Variants in SBF1 observed in about 807,000 individuals in gnomAD.
SBF1 encodes the protein myotubularin-related protein 5.
SBF1 carries 65 observed loss-of-function variants against 215.8 expected under a neutral mutation model. That is an observed-to-expected ratio of 0.30 (90% CI 0.25 to 0.37). The LOEUF is 0.37. SBF1 is among the 10% of genes least tolerant of loss of function. The pLI is 1.00. For missense variants in SBF1, 2,634 were observed against 2,667.8 expected, an observed-to-expected ratio of 0.99 and a Z score of 0.28; for synonymous variants, 1,410 against 1,122.8, an observed-to-expected ratio of 1.26 and a Z score of -5.11.
At chr22:50,465,699 C>T in intron 10 of SBF1, 64 bp downstream of exon 10, 1 of 1,450,976 alleles carries the variant, frequency 6.9e-7, no homozygotes, top group Non-Finnish European at 9.3e-7. Flanking sequence ...TCAGTGGCAG[C>T]AGACCTGAGT....
intron 36 of SBF1, among the ~76,000 whole-genome samples, chr22:50,452,219 G>T (rs1447560706): frequency 2.0e-5 from 3 of 150,904 alleles, no homozygotes; most frequent in Non-Finnish European, 4.4e-5. Context: ...CAAAATAAAG[G>T]CACCAAGATG....
chr22:50,451,409 G>A (rs2067042583), intron 36 of SBF1, among the ~76,000 whole-genome samples: 1 of 152,038 alleles, frequency 6.6e-6, no homozygotes, highest in South Asian at 2.1e-4. Flanking sequence ...GAAAAGAGTA[G>A]TGAACTTGAA....
chr22:50,447,271 C>G (rs1219157815), intron 40 of SBF1, 31 bp from the exon 41 acceptor site: 2 of 1,612,952 alleles, frequency 1.2e-6, no homozygotes, highest in African/African-American at 1.3e-5. Context: ...GACTCCGCAG[C>G]CCCCACACCG....
rs1491577679 is a variant in SBF1, at chr22:50,446,356, T to TCGTCCCCCC, written c.*785_*786insGGGGGGACG. 9 of 35,048 alleles carry TCGTCCCCCC rather than the reference T, an allele frequency of 2.6e-4. No individual in the cohort carries two copies. Among genetic ancestry groups the TCGTCCCCCC allele is most frequent in the African/African-American group, 1.0e-3 (8 of 7,646 alleles). The allele number at this position is 35,048 out of a possible 1,614,324, so 2.2% of individuals were successfully genotyped here. On this transcript the variant is annotated 3_prime_UTR_variant, in exon 41 of 41. Transcript: ENST00000380817. ...CCTGCATTCCCCTGGGAGCCCACTG[T>TCGTCCCCCC]CCCCCCCCCCCCCCCGCCTCCGGCC...
intron 17 of SBF1, 37 bp from the exon 18 acceptor site, chr22:50,462,754 C>T: frequency 6.2e-7 from 1 of 1,608,940 alleles, no homozygotes; most frequent in South Asian, 1.1e-5. Context: ...CTGGATGCAG[C>T]CAGGAAGGGC....
At position 50,474,739 on chromosome 22, in the gene SBF1, ACTCGACCCTCGGCCCCCGGCCCTCAGCG is replaced by A; in HGVS notation, c.55+19_55+46del. 1 of 1,405,762 alleles carries A rather than the reference ACTCGACCCTCGGCCCCCGGCCCTCAGCG, an allele frequency of 7.1e-7. No individual in the cohort carries two copies. The highest frequency in any genetic ancestry group is 1.3e-5 in the South Asian group (1 of 76,802). 87.1% of individuals were successfully genotyped at this position (1,405,762 alleles called of 1,614,324 possible). A position where few individuals can be genotyped will look rare whatever the true frequency, so the allele number is the denominator to read the frequency against. On this transcript the variant is annotated intron_variant, in intron 1 of 40. Coordinates refer to ENST00000380817, the MANE Select transcript of SBF1 (RefSeq NM_002972.4). ...TCAGACCCAGCCCCTGGCCCTCAGC[ACTCGACCCTCGGCCCCCGGCCCTCAGCG>A]CTTGGCCTCGGCACTCACCGCGCGG...
In SBF1 at chr22:50,467,282, G is replaced by A. The variant is rs2067808359; in HGVS notation, c.549+56C>T. ...CTGGCTGGGCTCCAAATACCTACCA[G>A]GGCCCCAGCAGGAGGGCCTGTGGCT... On this transcript the variant is annotated intron_variant, in intron 5 of 40. Coordinates refer to ENST00000380817, the MANE Select transcript of SBF1 (RefSeq NM_002972.4). The A allele has an allele frequency of 5.5e-5, 80 of 1,452,508 alleles. 1 individual carries two copies. The highest frequency in any genetic ancestry group is 7.5e-5 in the Non-Finnish European group (78 of 1,041,946). The allele number at this position is 1,452,508 out of a possible 1,614,324, so 90.0% of individuals were successfully genotyped here. A position where few individuals can be genotyped will look rare whatever the true frequency, so the allele number is the denominator to read the frequency against.
At chr22:50,459,066 A>C (rs1171823423) in intron 28 of SBF1, among the ~76,000 whole-genome samples, 189 bp downstream of exon 28, 1 of 152,144 alleles carries the variant, frequency 6.6e-6, no homozygotes, top group African/African-American at 2.4e-5. Context: ...TGGTCTGGGC[A>C]CACACTTGGT....
intron 1 of SBF1, among the ~76,000 whole-genome samples, chr22:50,473,583 G>A (rs989843148): frequency 3.3e-5 from 5 of 152,322 alleles, no homozygotes; most frequent in South Asian, 2.1e-4. Context: ...CTGAGGAGGG[G>A]CTGGAGACGA....
chr22:50,448,790 G>A (rs1185218291), intron 36 of SBF1, 140 bp from the exon 37 acceptor site: 6 of 642,094 alleles, frequency 9.3e-6, no homozygotes, highest in South Asian at 5.7e-5. Flanking sequence ...GAGGTGGCAA[G>A]AGGGAGGGAA....
At chr22:50,468,590 T>A in intron 1 of SBF1, 129 bp from the exon 2 acceptor site, 1 of 613,784 alleles carries the variant, frequency 1.6e-6, no homozygotes, top group Non-Finnish European at 2.8e-6. Flanking sequence ...CACAGCTCCC[T>A]AAAAATAGCT....
rs1253494486 is a variant in SBF1 at position 50,454,623 on chromosome 22, T to G, written c.4932A>C (p.Pro1644=). ...CGCCTCCATCAGACCGTTCTTCCTC[T>G]GGGGGTTCAGGGGGCCCCTGGGCCA... The part of the protein sequence containing the change: ...WELAQGPPEP[P]EEERSDGGAP... Residue 1644 remains proline, a synonymous_variant, in exon 36 of 41, where the codon CCA becomes CCC. Coordinates refer to ENST00000380817, the MANE Select transcript of SBF1 (RefSeq NM_002972.4). The G allele has an allele frequency of 1.2e-6, 2 of 1,604,742 alleles. No individual in the cohort carries two copies. The highest frequency in any genetic ancestry group is 2.7e-5 in the African/African-American group (2 of 74,832).
chr22:50,447,876 G>A (rs774888701), intron 38 of SBF1, among the ~76,000 whole-genome samples: 2 of 152,216 alleles, frequency 1.3e-5, no homozygotes, highest in Non-Finnish European at 2.9e-5. Flanking sequence ...CCCCACACCA[G>A]AGCCTCAGGG....
intron 36 of SBF1, among the ~76,000 whole-genome samples, chr22:50,451,503 C>CA (rs1421397663): frequency 6.6e-6 from 1 of 152,058 alleles, no homozygotes; most frequent in Non-Finnish European, 1.5e-5. Context: ...ACGTATGGGA[C>CA]AATAAAGTTC....
At chr22:50,462,525 C>T (rs751410225) in intron 18 of SBF1, 34 bp downstream of exon 18, 3 of 1,609,358 alleles carry the variant, frequency 1.9e-6, no homozygotes, top group Non-Finnish European at 2.5e-6. Flanking sequence ...CAGCCCCTAG[C>T]CCCCAGCCCC....
intron 31 of SBF1, 182 bp downstream of exon 31, chr22:50,456,034 C>T (rs1383385663): frequency 3.0e-6 from 2 of 666,668 alleles, no homozygotes; most frequent in African/African-American, 3.6e-5. Flanking sequence ...TCAGCTGGCC[C>T]CAGCCAGGCC....
intron 30 of SBF1, 39 bp downstream of exon 30, chr22:50,456,453 G>GGGCCCC: frequency 6.6e-7 from 1 of 1,520,062 alleles, no homozygotes; most frequent in Non-Finnish European, 8.9e-7. Context: ...CCCCTGCCGA[G>GGGCCCC]CCCCCACCCT....
chr22:50,450,413 C>T (rs181770000), intron 36 of SBF1, among the ~76,000 whole-genome samples: 40 of 151,656 alleles, frequency 2.6e-4, no homozygotes, highest in Admixed American at 5.9e-4. Context: ...CCCAGCTACT[C>T]GGGAGGCTGA....
intron 28 of SBF1, among the ~76,000 whole-genome samples, chr22:50,457,859 A>C (rs1276088553): frequency 6.6e-6 from 1 of 152,196 alleles, no homozygotes; most frequent in Non-Finnish European, 1.5e-5. Flanking sequence ...CTCGTCCACC[A>C]AGTGGTCACT....
Sources: gnomAD v4.1 joint callset for allele counts (sites outside exome capture counted in the v4.1 genomes callset) on GRCh38, gnomAD v4.1.1 for gene constraint, MANE v1.5 for transcripts, NCBI Gene and HGNC (gene_info 2026-07-23, HGNC 2026-07-21) for gene names.